Variants in SNX29 observed in about 807,000 individuals in gnomAD.
SNX29 encodes sorting nexin 29, also known as sorting nexin-29.
Under a neutral mutation model 102.1 loss-of-function variants are expected in SNX29, and 78 were observed. The ratio of observed to expected loss-of-function variants is 0.76; its 90% CI spans 0.64 to 0.92. SNX29 has a LOEUF of 0.92. SNX29 is among the 40% of genes least tolerant of loss of function. SNX29 has a pLI of 0.00. For synonymous variants in SNX29, 580 were observed against 414.5 expected, an observed-to-expected ratio of 1.40 and a Z score of -4.85; for missense variants, 1,280 against 1,061.7, an observed-to-expected ratio of 1.21 and a Z score of -2.86.
chr16:12,042,592 A>G (rs1470094223), intron 4 of SNX29, among the ~76,000 whole-genome samples: 1 of 152,046 alleles, frequency 6.6e-6, no homozygotes, highest in East Asian at 1.9e-4. Context: ...TTCGTTTTCT[A>G]TTTCTGTGTA....
chr16:12,044,771 G>T (rs1354234518), intron 5 of SNX29, among the ~76,000 whole-genome samples: 1 of 152,048 alleles, frequency 6.6e-6, no homozygotes, highest in Admixed American at 6.6e-5. Flanking sequence ...GTAGAGACGG[G>T]GCTTCACTGT....
chr16:12,165,027 C>G (rs899256244), intron 13 of SNX29, among the ~76,000 whole-genome samples: 12 of 152,094 alleles, frequency 7.9e-5, no homozygotes, highest in African/African-American at 2.9e-4. Context: ...TGTGGCTGTT[C>G]TTGAATTTGC....
At chr16:12,357,722 G>A (rs146583170) in intron 16 of SNX29, among the ~76,000 whole-genome samples, 61 of 152,216 alleles carry the variant, frequency 4.0e-4, no homozygotes, top group African/African-American at 1.3e-3. Flanking sequence ...AGCCCTTGGC[G>A]ACCATTCTAC....
rs2141602773 is a variant in SNX29 at position 12,574,165 on chromosome 16, A to C, written c.*5536A>C. ...TTTAAACAAATGTGTTTAATTTTTT[A>C]AGATCTCTTGTATTAAAATTTTCTT... is the stretch of plus-strand genomic sequence containing the variant. On this transcript the variant is annotated 3_prime_UTR_variant, in exon 21 of 21. Transcript: ENST00000566228. 1 of 180,684 alleles carries C rather than the reference A, an allele frequency of 5.5e-6. No individual in the cohort carries two copies. 11.2% of individuals were successfully genotyped at this position (180,684 alleles called of 1,614,324 possible).
chr16:12,564,382 C>A (rs187936059), intron 20 of SNX29, among the ~76,000 whole-genome samples: 1 of 147,460 alleles, frequency 6.8e-6, no homozygotes, highest in African/African-American at 2.6e-5. Context: ...TAATCACCAC[C>A]AACTGCATAA....
chr16:12,539,888 T>C (rs1371649898), intron 20 of SNX29, among the ~76,000 whole-genome samples: 2 of 152,206 alleles, frequency 1.3e-5, no homozygotes, highest in East Asian at 1.9e-4. Context: ...ACTAGGCTGT[T>C]TGTGGTTTTA....
At chr16:11,991,461 G>C (rs1328738344) in intron 1 of SNX29, among the ~76,000 whole-genome samples, 1 of 152,092 alleles carries the variant, frequency 6.6e-6, no homozygotes, top group African/African-American at 2.4e-5. Context: ...GCCCGTGGAA[G>C]CAAGGCATGG....
At chr16:12,135,565 T>A in intron 13 of SNX29, 1 of 1,331,498 alleles carries the variant, frequency 7.5e-7, no homozygotes, top group Non-Finnish European at 9.9e-7. Context: ...CTTTGCTATT[T>A]TGTGAGGAGA....
chr16:12,556,286 G>A lies in SNX29; in HGVS notation c.2319-12220G>A, dbSNP rs1036486749. 3 of 152,288 alleles carry A rather than the reference G, an allele frequency of 2.0e-5. No individual in the cohort carries two copies. The East Asian group carries it at 5.8e-4, about 29-fold the overall frequency. The allele number at this position is 152,288 out of a possible 1,614,324, so 9.4% of individuals were successfully genotyped here. ...GCTGGCAAGAAATCCGAGGTCCTGT[G>A]GGGCCAGCGGGCATTGGTCTGCTAT... On this transcript the variant is annotated intron_variant, in intron 20 of 20. Transcript: ENST00000566228.
intron 1 of SNX29, among the ~76,000 whole-genome samples, chr16:11,996,155 G>A (rs2056065164): frequency 6.6e-6 from 1 of 152,110 alleles, no homozygotes; most frequent in Admixed American, 6.6e-5. Context: ...TATTATCCCA[G>A]CTGTTTGGGA....
At chr16:12,034,905 G>A (rs1288986097) in intron 4 of SNX29, among the ~76,000 whole-genome samples, 1 of 152,122 alleles carries the variant, frequency 6.6e-6, no homozygotes, top group African/African-American at 2.4e-5. Context: ...CAGCTACTTG[G>A]GAGGCTGAGG....
chr16:12,360,256 A>G (rs936083915), intron 16 of SNX29, among the ~76,000 whole-genome samples: 4 of 152,158 alleles, frequency 2.6e-5, no homozygotes, highest in South Asian at 2.1e-4. Flanking sequence ...CATATAGTGC[A>G]GTTGGTTGGT....
chr16:12,439,446 T>G (rs80295278), intron 18 of SNX29, among the ~76,000 whole-genome samples: 3,897 of 152,202 alleles, frequency 0.026, 89 homozygotes, highest in East Asian at 0.097. Context: ...ACAAAAGAGG[T>G]TGAATGGACT....
In SNX29 at chr16:12,027,313, C is replaced by T. The variant is rs773279036; in HGVS notation, c.123-7C>T. ...GGGGGACTGATGAGTCATTGGTTTT[C>T]TCACAGGGTCACCTGTCTGTGTGCC... On this transcript the variant is annotated splice_region_variant and splice_polypyrimidine_tract_variant and intron_variant, in intron 3 of 20. Transcript: ENST00000566228. 3 of 1,613,394 alleles carry T rather than the reference C, an allele frequency of 1.9e-6. No individual in the cohort carries two copies. Among genetic ancestry groups the T allele is most frequent in the South Asian group, 1.1e-5 (1 of 91,038 alleles).
chr16:12,425,729 C>G (rs1310062304), intron 18 of SNX29, among the ~76,000 whole-genome samples: 1 of 151,942 alleles, frequency 6.6e-6, no homozygotes. Context: ...ATGATTTGGG[C>G]GGCCAGGGTC....
At chr16:12,355,814 T>C (rs2082113675) in intron 15 of SNX29, among the ~76,000 whole-genome samples, 1 of 129,618 alleles carries the variant, frequency 7.7e-6, no homozygotes, top group Admixed American at 9.7e-5. Flanking sequence ...CCTTGTTAGA[T>C]GTCTGACCTT....
rs1231578644 is a variant in SNX29, at chr16:12,061,617, T to A, written c.1214T>A (p.Val405Asp). 1.9e-6 allele frequency: 3 copies of A among 1,612,044 alleles called. No individual in the cohort carries two copies. The South Asian group carries it at 3.3e-5, about 18-fold the overall frequency. Residue 405 changes from valine to aspartate, a missense_variant, in exon 9 of 21, where the codon GTC becomes GAC. Coordinates refer to ENST00000566228, the MANE Select transcript of SNX29 (RefSeq NM_032167.5). Reference protein sequence around the residue: ...LHNDSDILFPVSGVGSYSPAD... With the variant: ...LHNDSDILFPDSGVGSYSPAD... The stretch of plus-strand genomic sequence containing the variant: ...AATGACTCCGACATCCTCTTCCCTG[T>A]CAGTGGCGTGGGCTCCTACAGCCCA...
intron 19 of SNX29, among the ~76,000 whole-genome samples, chr16:12,493,922 G>C (rs543061094): frequency 6.6e-6 from 1 of 152,140 alleles, no homozygotes; most frequent in African/African-American, 2.4e-5. Context: ...CATTTTCCCA[G>C]TTACCGATAA....
chr16:12,202,246 C>G (rs370639878), intron 14 of SNX29, among the ~76,000 whole-genome samples: 1 of 152,008 alleles, frequency 6.6e-6, no homozygotes, highest in East Asian at 1.9e-4. Flanking sequence ...GATTCCCACC[C>G]TTTTTTTTCT....
Sources: gnomAD v4.1 joint callset for allele counts (sites outside exome capture counted in the v4.1 genomes callset) on GRCh38, gnomAD v4.1.1 for gene constraint, MANE v1.5 for transcripts, NCBI Gene and HGNC (gene_info 2026-07-23, HGNC 2026-07-21) for gene names.